Variants in BRAF observed in about 807,000 individuals in gnomAD.
BRAF encodes serine/threonine-protein kinase B-raf.
A neutral mutation model predicts 104.6 loss-of-function variants in BRAF; 16 were observed. The ratio of observed to expected loss-of-function variants is 0.15; its 90% CI spans 0.10 to 0.23. The LOEUF (loss-of-function observed/expected upper bound fraction) is 0.23, where lower values mean the gene tolerates loss of function less well. Ranked by LOEUF, BRAF falls within the 10% of genes least tolerant of loss-of-function variation. The pLI, the probability that BRAF is intolerant of heterozygous loss-of-function variation, is 1.00. For missense variants in BRAF, 541 were observed against 937.3 expected, an observed-to-expected ratio of 0.58 and a Z score of 5.52; for synonymous variants, 310 against 341.6, an observed-to-expected ratio of 0.91 and a Z score of 1.02.
rs1585897163 is a variant in BRAF, at chr7:140,725,743, T to A, written c.*751A>T. 9.5e-7 allele frequency: 1 copy of A among 1,057,718 alleles called. No homozygotes were observed. The highest frequency in any genetic ancestry group is 4.6e-5 in the South Asian group (1 of 21,872). The allele number at this position is 1,057,718 out of a possible 1,614,324, so 65.5% of individuals were successfully genotyped here. ...CACTTATCTTCATTGCTGGACCCAATGAGAAAGAAGGCAATGTGTGCCAGC... is the reference window on the plus strand; with the variant it reads ...CACTTATCTTCATTGCTGGACCCAAAGAGAAAGAAGGCAATGTGTGCCAGC... On this transcript the variant is annotated 3_prime_UTR_variant, in exon 20 of 20. Coordinates refer to ENST00000644969, the MANE Select transcript of BRAF (RefSeq NM_001374258.1).
At chr7:140,743,664 G>A (rs1797114879) in intron 17 of BRAF, among the ~76,000 whole-genome samples, 1 of 151,416 alleles carries the variant, frequency 6.6e-6, no homozygotes, top group Non-Finnish European at 1.5e-5. Context: ...CATGGCACAT[G>A]TATACATATG....
intron 3 of BRAF, among the ~76,000 whole-genome samples, chr7:140,815,176 C>T (rs1586265352): frequency 6.8e-6 from 1 of 148,046 alleles, no homozygotes; most frequent in African/African-American, 2.5e-5. Context: ...CTCGCTCTGT[C>T]GCCCAGGCTG....
intron 1 of BRAF, among the ~76,000 whole-genome samples, chr7:140,858,720 T>C (rs565530291): frequency 1.4e-4 from 21 of 152,168 alleles, no homozygotes; most frequent in African/African-American, 4.6e-4. Context: ...CATATGATAT[T>C]TTGGTTAAAT....
chr7:140,746,166 C>A (rs1797329893), intron 17 of BRAF, among the ~76,000 whole-genome samples: 1 of 152,200 alleles, frequency 6.6e-6, no homozygotes, highest in Non-Finnish European at 1.5e-5. Flanking sequence ...GCAATTATAA[C>A]TGGAATAATA....
Position 140,794,394 on chromosome 7 carries a change from C to G in BRAF, c.1054G>C (p.Asp352His). 2 of 1,613,796 alleles carry G rather than the reference C, an allele frequency of 1.2e-6. No homozygotes were observed. Among genetic ancestry groups the G allele is most frequent in the South Asian group, 1.1e-5 (1 of 91,074 alleles). ...CGTTGCCCAAATTGATTTCGATGAT[C>G]TTCATCTGCTGGTCGGAAGGGCTGT... ...IPQPFRPADE[D>H]HRNQFGQRDR... The change falls in exon 8 of 20, where the codon GAT becomes CAT. Residue 352 changes from aspartate to histidine, a missense_variant. Physicochemically the swap from Asp to His is moderately conservative, Grantham distance 81. Coordinates refer to ENST00000644969, the MANE Select transcript of BRAF (RefSeq NM_001374258.1).
chr7:140,887,549 G>GT lies in BRAF; in HGVS notation c.138+37016_138+37017insA, dbSNP rs1242776363. On this transcript the variant is annotated intron_variant, in intron 1 of 19. Transcript: ENST00000644969. ...CCCTTTTGGGTAATATGGCTGCAGT[G>GT]ACACAAATTGAACAATAAGTTACAA... 1.1e-3 allele frequency among the ~76,000 whole-genome samples: 171 copies of GT among 152,202 alleles called. 4 individuals carry two copies. In the South Asian group the frequency reaches 0.035, roughly 31 times the overall value.
At chr7:140,875,798 G>A (rs535412236) in intron 1 of BRAF, among the ~76,000 whole-genome samples, 1 of 152,222 alleles carries the variant, frequency 6.6e-6, no homozygotes, top group African/African-American at 2.4e-5. Context: ...ACATTTTAAA[G>A]TGCTGAAAGA....
At chr7:140,765,052 T>A (rs960338950) in intron 14 of BRAF, among the ~76,000 whole-genome samples, 10 of 152,092 alleles carry the variant, frequency 6.6e-5, no homozygotes, top group African/African-American at 2.4e-4. Flanking sequence ...CAAACTATAC[T>A]ACAAGGCTAC....
At chr7:140,810,329 G>A (rs1205461779) in intron 3 of BRAF, among the ~76,000 whole-genome samples, 1 of 152,146 alleles carries the variant, frequency 6.6e-6, no homozygotes, top group Non-Finnish European at 1.5e-5. Flanking sequence ...AACACTTTGG[G>A]AGGCCAAGGT....
chr7:140,723,718 A>G lies in BRAF; in HGVS notation c.*2776T>C. 9.5e-7 allele frequency: 1 copy of G among 1,050,658 alleles called. No individual in the cohort carries two copies. The highest frequency in any genetic ancestry group is 1.1e-6 in the Non-Finnish European group (1 of 870,028). The allele number at this position is 1,050,658 out of a possible 1,614,324, so 65.1% of individuals were successfully genotyped here. A position where few individuals can be genotyped will look rare whatever the true frequency, so the allele number is the denominator to read the frequency against. ...GGCTTCACCTCTCCCTACCAAAAAT[A>G]AAACACACTACAGAAGGCACTGCAG... On this transcript the variant is annotated 3_prime_UTR_variant, in exon 20 of 20. Transcript: ENST00000644969.
chr7:140,893,315 T>TC (rs1006630772), intron 1 of BRAF, among the ~76,000 whole-genome samples: 5 of 151,394 alleles, frequency 3.3e-5, no homozygotes, highest in African/African-American at 1.2e-4. Context: ...AGTGGCGCGA[T>TC]CTCAGCTCAC....
intron 2 of BRAF, among the ~76,000 whole-genome samples, chr7:140,839,646 C>T (rs1043827853): frequency 3.9e-5 from 6 of 152,164 alleles, no homozygotes; most frequent in African/African-American, 1.2e-4. Context: ...GGGAGGATCG[C>T]CTGAGCCCAG....
chr7:140,775,453 T>G (rs1310320839), intron 14 of BRAF, among the ~76,000 whole-genome samples: 1 of 152,012 alleles, frequency 6.6e-6, no homozygotes, highest in East Asian at 1.9e-4. Flanking sequence ...GTTCAAGTGA[T>G]TCTTCTGCCT....
intron 17 of BRAF, 95 bp from the exon 17 acceptor site, chr7:140,740,041 A>G: frequency 7.5e-7 from 1 of 1,341,140 alleles, no homozygotes; most frequent in African/African-American, 1.4e-5. Flanking sequence ...CTGTACATTT[A>G]CAGCTTACGA....
intron 7 of BRAF, among the ~76,000 whole-genome samples, chr7:140,798,774 T>C (rs1802774384): frequency 6.6e-6 from 1 of 151,730 alleles, no homozygotes; most frequent in Admixed American, 6.6e-5. Flanking sequence ...CAAAGTAAAC[T>C]GATACCCACT....
intron 1 of BRAF, among the ~76,000 whole-genome samples, chr7:140,907,638 C>T (rs1224043562): frequency 1.3e-5 from 2 of 151,994 alleles, no homozygotes; most frequent in African/African-American, 4.8e-5. Flanking sequence ...TCATACATCA[C>T]TGCAGCCTCA....
chr7:140,923,569 G>A (rs1818494311), intron 1 of BRAF, among the ~76,000 whole-genome samples: 1 of 152,152 alleles, frequency 6.6e-6, no homozygotes, highest in Non-Finnish European at 1.5e-5. Context: ...TATAAAAATG[G>A]GTAGGAATAA....
intron 19 of BRAF, among the ~76,000 whole-genome samples, chr7:140,727,708 C>A (rs1290168427): frequency 1.3e-5 from 2 of 152,012 alleles, no homozygotes; most frequent in Admixed American, 6.6e-5. Flanking sequence ...GCAAGCCCTG[C>A]CTCCTGGGCT....
chr7:140,751,647 T>C (rs1171689761), intron 16 of BRAF, among the ~76,000 whole-genome samples: 2 of 152,182 alleles, frequency 1.3e-5, no homozygotes, highest in Admixed American at 6.5e-5. Flanking sequence ...AATGGCCAAA[T>C]AGGGTACCAG....
Sources: allele counts gnomAD v4.1 joint callset (sites outside exome capture counted in the v4.1 genomes callset), GRCh38; gene constraint gnomAD v4.1.1; transcripts MANE v1.5; gene names NCBI Gene and HGNC (gene_info 2026-07-23, HGNC 2026-07-21).